Variants in ZNF112 observed in about 807,000 individuals in gnomAD.
ZNF112 encodes zinc finger protein 112 (Y14).
A neutral mutation model predicts 77.7 loss-of-function variants in ZNF112; 37 were observed. The ratio of observed to expected loss-of-function variants is 0.48; its 90% CI spans 0.37 to 0.63. The LOEUF (loss-of-function observed/expected upper bound fraction) is 0.63. Among genes scored for constraint, ZNF112 ranks in the 20% least tolerant of loss-of-function variants. The pLI is 0.00. For missense variants in ZNF112, 950 were observed against 1,077.4 expected (o/e 0.88, Z 1.66); for synonymous variants, 333 against 363.6 (o/e 0.92, Z 0.96).
intron 3 of ZNF112, among the ~76,000 whole-genome samples, chr19:44,331,337 T>C (rs1970267300): frequency 6.6e-6 from 1 of 152,158 alleles, no homozygotes; most frequent in Non-Finnish European, 1.5e-5. Flanking sequence ...ACTGGAAAAT[T>C]ATGTTAGTGT....
intron 1 of ZNF112, among the ~76,000 whole-genome samples, chr19:44,344,606 T>C (rs949005184): frequency 5.9e-5 from 9 of 152,140 alleles, no homozygotes; most frequent in African/African-American, 1.9e-4. Context: ...CCAATATTTA[T>C]GGATTGCCTT....
chr19:44,363,606 T>C (rs1970875505), intron 1 of ZNF112, among the ~76,000 whole-genome samples: 1 of 152,248 alleles, frequency 6.6e-6, no homozygotes, highest in Non-Finnish European at 1.5e-5. Context: ...TCCATGTTGA[T>C]GCACATATTA....
In ZNF112 at chr19:44,328,460, T is replaced by C. The variant is rs147418906; in HGVS notation, c.1697A>G (p.Gln566Arg). The C allele has an allele frequency of 2.7e-5, 44 of 1,614,046 alleles. No individual in the cohort carries two copies. In the Middle Eastern group the frequency reaches 9.9e-4, roughly 36 times the overall value. Residue 566 changes from glutamine to arginine, a missense_variant, in exon 4 of 4, where the codon CAG becomes CGG. Transcript: ENST00000354340. The stretch of plus-strand genomic sequence containing the variant: ...AGGTTTTTCTCCAGTGTGGACTCTC[T>C]GATGGGCTTGAAGATATGAACTCCG... ...FSRSSYLQAH[Q>R]RVHTGEKPYK...
At chr19:44,335,159 C>G (rs1283282008) in intron 3 of ZNF112, among the ~76,000 whole-genome samples, 1 of 152,250 alleles carries the variant, frequency 6.6e-6, no homozygotes, top group Non-Finnish European at 1.5e-5. Flanking sequence ...GACATGGAGT[C>G]AAAGGAGATT....
chr19:44,338,082 AT>A (rs1970422178), intron 2 of ZNF112, among the ~76,000 whole-genome samples: 1 of 152,088 alleles, frequency 6.6e-6, no homozygotes, highest in Admixed American at 6.6e-5. Context: ...CAAAAAAAAA[AT>A]TGGGGACATG....
chr19:44,327,212 T>C lies in ZNF112; in HGVS notation c.*221A>G, dbSNP rs1050676468. The stretch of plus-strand genomic sequence containing the variant: ...TGTACTTTTATTAAATTCCTGACCA[T>C]ACTCATATTTTATAAGCCTTAGCTC... On this transcript the variant is annotated 3_prime_UTR_variant, in exon 4 of 4. Coordinates refer to ENST00000354340, the MANE Select transcript of ZNF112 (RefSeq NM_013380.4). 6.5e-6 allele frequency: 3 copies of C among 464,450 alleles called. No individual in the cohort carries two copies. Among genetic ancestry groups the C allele is most frequent in the Non-Finnish European group, 1.1e-5 (3 of 264,614 alleles). 28.8% of individuals were successfully genotyped at this position (464,450 alleles called of 1,614,324 possible). A position where few individuals can be genotyped will look rare whatever the true frequency, so the allele number is the denominator to read the frequency against.
intron 3 of ZNF112, among the ~76,000 whole-genome samples, chr19:44,335,079 C>A (rs2123157195): frequency 6.6e-6 from 1 of 152,348 alleles, no homozygotes; most frequent in South Asian, 2.1e-4. Flanking sequence ...CTATACCCTG[C>A]AGAGCCACAG....
intron 3 of ZNF112, among the ~76,000 whole-genome samples, chr19:44,330,336 T>C (rs1970246737): frequency 1.3e-5 from 2 of 152,192 alleles, no homozygotes; most frequent in Non-Finnish European, 2.9e-5. Flanking sequence ...TTAACCTACA[T>C]ACAAATAGCA....
Position 44,346,140 on chromosome 19 carries a change from C to T in ZNF112, c.-3-5598G>A, listed in dbSNP as rs977844989. 2.6e-5 allele frequency among the ~76,000 whole-genome samples: 4 copies of T among 152,180 alleles called. No homozygotes were observed. In the South Asian group the frequency reaches 8.3e-4, roughly 32 times the overall value. On this transcript the variant is annotated intron_variant, in intron 1 of 3. Coordinates refer to ENST00000354340, the MANE Select transcript of ZNF112 (RefSeq NM_013380.4). ...TGAAGCCTCATTAGCTCCTAAAACC[C>T]ATTTTGCCAGCCTAATGAAAGCGGA...
At chr19:44,356,322 C>T (rs1568678594) in intron 1 of ZNF112, among the ~76,000 whole-genome samples, 1 of 149,558 alleles carries the variant, frequency 6.7e-6, no homozygotes, top group African/African-American at 2.6e-5. Flanking sequence ...TTAAGATACT[C>T]GCCTGTTATT....
upstream of ZNF112, among the ~76,000 whole-genome samples, chr19:44,361,648 T>C (rs1424170248): frequency 2.0e-5 from 3 of 152,194 alleles, no homozygotes; most frequent in East Asian, 1.9e-4. Flanking sequence ...GGGAGATTAA[T>C]TGATAGAGCA....
rs748563731 is a variant in ZNF112, at chr19:44,328,454, A to G, written c.1703T>C (p.Val568Ala). 1 of 1,613,988 alleles carries G rather than the reference A, an allele frequency of 6.2e-7. No individual in the cohort carries two copies. Residue 568 changes from valine to alanine, a missense_variant, in exon 4 of 4, where the codon GTC becomes GCC. Physicochemically the swap from Val to Ala is moderately conservative, Grantham distance 64 (BLOSUM62 0). Around this residue, in one of 3 missense-constraint regions of ZNF112, gnomAD observed 373 missense variants for 482.8 expected, o/e 0.77. Transcript: ENST00000354340. ...RSSYLQAHQR[V>A]HTGEKPYKCE... ...TTTATAAGGTTTTTCTCCAGTGTGG[A>G]CTCTCTGATGGGCTTGAAGATATGA... is the stretch of plus-strand genomic sequence containing the variant.
chr19:44,341,233 C>T (rs74260472), intron 1 of ZNF112: 146,103 of 455,290 alleles, frequency 0.32, 25,593 homozygotes, highest in South Asian at 0.41. Flanking sequence ...TCTTCTATCC[C>T]ATTTCTGGGC....
intron 2 of ZNF112, among the ~76,000 whole-genome samples, chr19:44,337,877 A>C (rs561291344): frequency 6.1e-4 from 76 of 124,456 alleles, no homozygotes; most frequent in Admixed American, 1.4e-3. Flanking sequence ...ACACACACAC[A>C]CCCTAGCTCT....
chr19:44,349,884 T>C (rs1970661674), intron 1 of ZNF112, among the ~76,000 whole-genome samples: 1 of 152,008 alleles, frequency 6.6e-6, no homozygotes, highest in African/African-American at 2.4e-5. Context: ...ACAAGGGAAA[T>C]GATTCTGATA....
intron 1 of ZNF112, among the ~76,000 whole-genome samples, chr19:44,344,902 C>T (rs1463593938): frequency 6.6e-6 from 1 of 152,174 alleles, no homozygotes; most frequent in Non-Finnish European, 1.5e-5. Context: ...GAGGAACTCC[C>T]TCACTTAATC....
chr19:44,329,268 T>A lies in ZNF112; in HGVS notation c.889A>T (p.Ile297Phe). The change falls in exon 4 of 4, where the codon ATT becomes TTT. Residue 297 changes from isoleucine (I) to phenylalanine (F), a missense_variant. By Grantham distance (21) the Ile-to-Phe change is conservative. Transcript: ENST00000354340. ...TCTTCTCTCTCAATATTTTGATGAA[T>A]ATGAAGAAGTGAACTATAATTACAG... is the stretch of plus-strand genomic sequence containing the variant. The part of the protein sequence containing the change: ...KGCNYSSLLH[I>F]HQNIEREDDI... 6.2e-7 allele frequency: 1 copy of A among 1,613,944 alleles called. No homozygotes were observed. The highest frequency in any genetic ancestry group is 1.7e-5 in the Admixed American group (1 of 59,982).
intron 1 of ZNF112, among the ~76,000 whole-genome samples, chr19:44,365,735 G>A (rs139394063): frequency 2.7e-3 from 416 of 151,724 alleles, no homozygotes; most frequent in South Asian, 0.011. Flanking sequence ...CTTTTTCCCC[G>A]TTGGTGAGTC....
Position 44,328,248 on chromosome 19 carries a change from C to T in ZNF112, c.1909G>A (p.Gly637Arg). The T allele has an allele frequency of 6.2e-7, 1 of 1,614,126 alleles. No individual in the cohort carries two copies. Reference protein sequence around the residue: ...GEKPFKCEECGKGFSWSFNLQ... With the variant: ...GEKPFKCEECRKGFSWSFNLQ... The stretch of plus-strand genomic sequence containing the variant: ...TTAAAGCTCCAACTGAACCCCTTCC[C>T]ACATTCCTCACATTTGAATGGTTTT... Residue 637 changes from glycine to arginine, a missense_variant, in exon 4 of 4, where the codon GGG becomes AGG. Transcript: ENST00000354340.
Sources: gnomAD v4.1 joint callset for allele counts (sites outside exome capture counted in the v4.1 genomes callset) on GRCh38, gnomAD v4.1.1 for gene constraint, gnomAD v4.1.1 regional missense constraint, MANE v1.5 for transcripts, NCBI Gene and HGNC (gene_info 2026-07-23, HGNC 2026-07-21) for gene names.